Variants in ZMIZ1 observed in about 807,000 individuals in gnomAD.
ZMIZ1 encodes the protein zinc finger MIZ domain-containing protein 1.
ZMIZ1 carries 17 observed loss-of-function variants against 113.9 expected under a neutral mutation model. That is an observed-to-expected ratio of 0.15 (90% CI 0.10 to 0.22). ZMIZ1 has a LOEUF of 0.22. ZMIZ1 is among the 10% of genes least tolerant of loss of function. The probability of loss-of-function intolerance (pLI) is 1.00; values close to 1 mark genes in which losing one functional copy is unlikely to be tolerated. For synonymous variants in ZMIZ1, 607 were observed against 603.1 expected (o/e 1.01, Z -0.09); for missense variants, 1,059 against 1,477.8 (o/e 0.72, Z 4.65).
At chr10:79,088,902 C>A (rs1019103506) in intron 1 of ZMIZ1, among the ~76,000 whole-genome samples, 1 of 152,200 alleles carries the variant, frequency 6.6e-6, no homozygotes, top group African/African-American at 2.4e-5. Context: ...TCGCAGCACC[C>A]CTCTGAAGTG....
intron 3 of ZMIZ1, among the ~76,000 whole-genome samples, chr10:79,153,089 TGA>T (rs1427808656): frequency 9.2e-5 from 14 of 152,210 alleles, no homozygotes; most frequent in African/African-American, 3.4e-4. Context: ...AAAGAACGAA[TGA>T]GACCCCAGAT....
intron 1 of ZMIZ1, among the ~76,000 whole-genome samples, chr10:79,114,140 G>A (rs1009080921): frequency 6.6e-6 from 1 of 152,246 alleles, no homozygotes; most frequent in African/African-American, 2.4e-5. Flanking sequence ...AGACTTCCCT[G>A]CCCGGCAGGA....
chr10:79,121,203 G>A (rs1844273755), intron 2 of ZMIZ1, among the ~76,000 whole-genome samples: 2 of 152,200 alleles, frequency 1.3e-5, no homozygotes. Flanking sequence ...TCAGGGATAG[G>A]TCATTTATTA....
intron 15 of ZMIZ1, 72 bp from the exon 16 acceptor site, chr10:79,298,978 A>C (rs1854106023): frequency 2.0e-6 from 3 of 1,532,834 alleles, no homozygotes; most frequent in Admixed American, 3.7e-5. Context: ...AGGGTGAGCA[A>C]GTCCCACCTA....
At chr10:79,144,797 G>T (rs181273958) in intron 3 of ZMIZ1, among the ~76,000 whole-genome samples, 1 of 152,088 alleles carries the variant, frequency 6.6e-6, no homozygotes, top group Non-Finnish European at 1.5e-5. Context: ...TGTTTTTACC[G>T]CAGTAATTCC....
At chr10:79,106,220 A>G (rs1843551663) in intron 1 of ZMIZ1, among the ~76,000 whole-genome samples, 1 of 152,234 alleles carries the variant, frequency 6.6e-6, no homozygotes. Flanking sequence ...GCTCTCTCCT[A>G]GGCCAGAGAC....
chr10:79,128,831 A>AC (rs529925746), intron 2 of ZMIZ1, among the ~76,000 whole-genome samples: 16 of 136,846 alleles, frequency 1.2e-4, no homozygotes, highest in Admixed American at 9.8e-4. Context: ...ATTCCAGTGG[A>AC]AAAAGTAGTT....
At chr10:79,297,499 G>C (rs1456918939) in intron 13 of ZMIZ1, 114 bp from the exon 14 acceptor site, 1 of 868,258 alleles carries the variant, frequency 1.2e-6, no homozygotes, top group Non-Finnish European at 1.9e-6. Flanking sequence ...CCCAGCAGTG[G>C]ATGGGCCCCT....
Position 79,142,731 on chromosome 10 carries a change from C to T in ZMIZ1, c.-131+2954C>T, listed in dbSNP as rs191825546. ...CCTGGCCGGCACTCCCTGACCCTGG[C>T]CAAGCATCTTGCCCTGATGTCTGTC... is the stretch of plus-strand genomic sequence containing the variant. On this transcript the variant is annotated intron_variant, in intron 3 of 24. Transcript: ENST00000334512. Among the ~76,000 whole-genome samples the T allele has an allele frequency of 2.0e-5, 3 of 152,356 alleles. No homozygotes were observed. In the East Asian group the frequency reaches 5.8e-4, roughly 29 times the overall value.
intron 7 of ZMIZ1, among the ~76,000 whole-genome samples, chr10:79,265,068 C>T (rs12254681): frequency 0.063 from 9,566 of 152,246 alleles, 600 homozygotes; most frequent in East Asian, 0.2. Flanking sequence ...CTAGCCCTGA[C>T]GGCTCTGAGG....
At chr10:79,291,398 G>A (rs138671574) in intron 10 of ZMIZ1, among the ~76,000 whole-genome samples, 2 of 152,268 alleles carry the variant, frequency 1.3e-5, no homozygotes, top group East Asian at 1.9e-4. Flanking sequence ...CGTCAGACTC[G>A]TAGAAATAGA....
In ZMIZ1 at chr10:79,296,947, C is replaced by T. The variant is rs1345856528; in HGVS notation, c.1413+294C>T. 2 of 309,898 alleles carry T rather than the reference C, an allele frequency of 6.5e-6. No homozygotes were observed. Among genetic ancestry groups the T allele is most frequent in the Non-Finnish European group, 1.2e-5 (2 of 170,502 alleles). The allele number at this position is 309,898 out of a possible 1,614,324, so 19.2% of individuals were successfully genotyped here. On this transcript the variant is annotated intron_variant, in intron 13 of 24. Transcript: ENST00000334512. The surrounding 1 kb of genome is among the most constrained non-coding windows in gnomAD (Gnocchi z 4.1). The stretch of plus-strand genomic sequence containing the variant: ...AAATATATTTTATTAAAAAAACACA[C>T]ATCCCCTGTATATATTAACATTTCA...
intron 3 of ZMIZ1, among the ~76,000 whole-genome samples, chr10:79,144,369 A>G (rs890334632): frequency 8.5e-5 from 13 of 152,196 alleles, no homozygotes; most frequent in Non-Finnish European, 4.4e-5. Flanking sequence ...GTCTTAGACT[A>G]TCCAGGCTTA....
intron 1 of ZMIZ1, among the ~76,000 whole-genome samples, chr10:79,093,866 A>C (rs2132235677): frequency 6.6e-6 from 1 of 152,306 alleles, no homozygotes; most frequent in African/African-American, 2.4e-5. Flanking sequence ...GTGTGGGTGC[A>C]GAGGACTTTG....
chr10:79,279,059 G>A (rs1295332918), intron 8 of ZMIZ1, among the ~76,000 whole-genome samples: 3 of 139,008 alleles, frequency 2.2e-5, no homozygotes, highest in Admixed American at 1.4e-4. Context: ...GCGGCCGGGC[G>A]GGGGCTGCCC....
At chr10:79,145,469 C>T (rs991190590) in intron 3 of ZMIZ1, among the ~76,000 whole-genome samples, 1 of 151,398 alleles carries the variant, frequency 6.6e-6, no homozygotes, top group Non-Finnish European at 1.5e-5. Context: ...GGTTCAAATC[C>T]CACCCCACCC....
chr10:79,300,593 A>C, intron 16 of ZMIZ1, 139 bp from the exon 17 acceptor site: 1 of 1,073,494 alleles, frequency 9.3e-7, no homozygotes, highest in Non-Finnish European at 1.3e-6. Context: ...GGCTGGGGGA[A>C]TCATTGGGGT....
chr10:79,289,624 T>G, intron 8 of ZMIZ1, 151 bp from the exon 9 acceptor site: 1 of 656,522 alleles, frequency 1.5e-6, no homozygotes. Flanking sequence ...CACTGGGCAC[T>G]GAGACAGGCC....
At chr10:79,303,274 T>C (rs1854453237) in intron 18 of ZMIZ1, among the ~76,000 whole-genome samples, 1 of 151,592 alleles carries the variant, frequency 6.6e-6, no homozygotes, top group South Asian at 2.1e-4. Flanking sequence ...GGCCGCATAG[T>C]GAGAGCCTGT....
Sources: gnomAD v4.1 joint callset for allele counts (sites outside exome capture counted in the v4.1 genomes callset) on GRCh38, gnomAD v4.1.1 for gene constraint, Gnocchi (gnomAD v3.1) non-coding constraint, MANE v1.5 for transcripts, NCBI Gene and HGNC (gene_info 2026-07-23, HGNC 2026-07-21) for gene names.